The following PMFBP1 variants were observed in gnomAD, a reference collection of about 807,000 sequenced individuals.
The protein encoded by PMFBP1 is polyamine modulated factor 1 binding protein 1, also known as polyamine-modulated factor 1-binding protein 1.
PMFBP1 carries 131 observed loss-of-function variants against 137.8 expected under a neutral mutation model. The observed-to-expected ratio is 0.95, with a 90% CI of 0.82 to 1.10. PMFBP1 has a LOEUF of 1.10. PMFBP1 is among the 50% of genes least tolerant of loss of function. The pLI is 0.00. For missense variants in PMFBP1, 1,199 were observed against 1,175.4 expected (o/e 1.02, Z -0.29); for synonymous variants, 490 against 450.4 (o/e 1.09, Z -1.11).
chr16:72,130,390 C>G (rs1435308134), intron 11 of PMFBP1, 33 bp from the exon 12 acceptor site: 1 of 1,613,794 alleles, frequency 6.2e-7, no homozygotes. Context: ...GGAGGACAGA[C>G]TTCAGTGCCC....
At chr16:72,204,681 C>G in the PMFBP1 span, among the ~76,000 whole-genome samples, 1 of 152,116 alleles carries the variant, frequency 6.6e-6, no homozygotes. Flanking sequence ...TAGCTGTGCT[C>G]CCTGGCTAGT....
At chr16:72,219,831 A>G in the PMFBP1 span, among the ~76,000 whole-genome samples, 1 of 152,238 alleles carries the variant, frequency 6.6e-6, no homozygotes, top group Non-Finnish European at 1.5e-5. Flanking sequence ...GGATAAGTCA[A>G]TATAACACAC....
the PMFBP1 span, among the ~76,000 whole-genome samples, chr16:72,245,529 A>G: frequency 5.3e-5 from 8 of 152,206 alleles, no homozygotes; most frequent in Non-Finnish European, 8.8e-5. Context: ...AAAAGGGTGC[A>G]CTGCCTGAAT....
chr16:72,230,624 T>G, the PMFBP1 span, among the ~76,000 whole-genome samples: 8 of 152,250 alleles, frequency 5.3e-5, no homozygotes, highest in South Asian at 1.7e-3. Flanking sequence ...CATCACCCAT[T>G]TTGTTACCCC....
chr16:72,200,188 A>G, the PMFBP1 span, among the ~76,000 whole-genome samples: 1 of 152,224 alleles, frequency 6.6e-6, no homozygotes, highest in South Asian at 2.1e-4. Flanking sequence ...GGGTGACCTC[A>G]GGTAGAGCCA....
the PMFBP1 span, among the ~76,000 whole-genome samples, chr16:72,227,737 G>C: frequency 1.3e-5 from 2 of 152,076 alleles, no homozygotes; most frequent in African/African-American, 4.8e-5. Context: ...TACAAAACCA[G>C]CTACTAATCC....
chr16:72,132,700 C>G (rs956610780), intron 10 of PMFBP1, 48 bp downstream of exon 10: 4 of 1,612,158 alleles, frequency 2.5e-6, no homozygotes, highest in South Asian at 1.1e-5. Flanking sequence ...TAGGGCTGCT[C>G]TAGCCCCACA....
chr16:72,244,847 G>A, the PMFBP1 span, among the ~76,000 whole-genome samples: 8 of 152,202 alleles, frequency 5.3e-5, no homozygotes, highest in Non-Finnish European at 1.2e-4. Context: ...CAGAAGAATG[G>A]AAGGGGTTAA....
chr16:72,202,921 C>T, the PMFBP1 span, among the ~76,000 whole-genome samples: 1 of 152,190 alleles, frequency 6.6e-6, no homozygotes, highest in Non-Finnish European at 1.5e-5. Flanking sequence ...AAACCAAGAG[C>T]TGGGTGCCGA....
At chr16:72,198,988 T>C in the PMFBP1 span, among the ~76,000 whole-genome samples, 926 of 152,312 alleles carry the variant, frequency 6.1e-3, 7 homozygotes, top group Non-Finnish European at 9.5e-3. Flanking sequence ...TTTAAGTGAT[T>C]TGTCTTATTC....
intron 3 of PMFBP1, chr16:72,164,407 G>C: frequency 7.6e-6 from 10 of 1,310,654 alleles, no homozygotes; most frequent in Non-Finnish European, 1.0e-5. Flanking sequence ...TTTCATGGTT[G>C]ACTTAGAAGT....
At chr16:72,131,119 G>T in intron 10 of PMFBP1, among the ~76,000 whole-genome samples, 1 of 152,170 alleles carries the variant, frequency 6.6e-6, no homozygotes, top group Non-Finnish European at 1.5e-5. Flanking sequence ...GGGTTAGAAC[G>T]CTTGGAGATG....
chr16:72,150,650 T>G lies in PMFBP1; in HGVS notation c.594A>C (p.Gln198His), dbSNP rs1262108333. ...SLSNIELLEC[Q>H]VKMLQGELGG... ...CGAGTTCCCCCTGCAACATCTTCAC[T>G]TGGCATTCTAGTAACTCGATGTTGC... is the stretch of plus-strand genomic sequence containing the variant. Residue 198 changes from glutamine to histidine, a missense_variant, in exon 5 of 21, where the codon CAA (glutamine) becomes CAC (histidine). Physicochemically the swap from Gln to His is conservative, Grantham distance 24 (BLOSUM62 0). Coordinates refer to ENST00000237353, the MANE Select transcript of PMFBP1 (RefSeq NM_031293.3). 6.2e-7 allele frequency: 1 copy of G among 1,613,934 alleles called. No individual in the cohort carries two copies. The highest frequency in any genetic ancestry group is 1.1e-5 in the South Asian group (1 of 91,068).
Position 72,129,179 on chromosome 16 carries a change from T to G in PMFBP1, c.1837A>C (p.Thr613Pro), listed in dbSNP as rs762994859. 1 of 1,614,148 alleles carries G rather than the reference T, an allele frequency of 6.2e-7. No individual in the cohort carries two copies. The change falls in exon 13 of 21, where the codon ACA becomes CCA. Residue 613 changes from threonine (T) to proline (P), a missense_variant. Transcript: ENST00000237353. ...TCCCGTTTGTCCTCCAGAAGCTTTG[T>G]GGCCTCCTGAAGATCTTCTTCTAAC... ...CKLEEDLQEA[T>P]KLLEDKREQL...
chr16:72,187,838 G>A, the PMFBP1 span, among the ~76,000 whole-genome samples: 2 of 152,184 alleles, frequency 1.3e-5, no homozygotes, highest in Non-Finnish European at 2.9e-5. Flanking sequence ...AGTTATATTT[G>A]GGGAGTAGCC....
At chr16:72,153,469 G>A (rs1312232270) in intron 4 of PMFBP1, among the ~76,000 whole-genome samples, 1 of 152,004 alleles carries the variant, frequency 6.6e-6, no homozygotes, top group East Asian at 1.9e-4. Context: ...AAAATGCCAG[G>A]GGAAACCCCA....
intron 9 of PMFBP1, among the ~76,000 whole-genome samples, chr16:72,135,250 C>T (rs1205897811): frequency 1.3e-5 from 2 of 151,962 alleles, no homozygotes; most frequent in Non-Finnish European, 2.9e-5. Flanking sequence ...AATCTTGGCT[C>T]ATTGCAACCT....
the PMFBP1 span, among the ~76,000 whole-genome samples, chr16:72,234,706 C>T: frequency 6.6e-6 from 1 of 152,174 alleles, no homozygotes; most frequent in African/African-American, 2.4e-5. Flanking sequence ...TTTGAACTCA[C>T]TCTCATGACT....
intron 3 of PMFBP1, 78 bp downstream of exon 3, chr16:72,164,686 T>C (rs1014953297): frequency 3.0e-5 from 45 of 1,501,028 alleles, no homozygotes; most frequent in Non-Finnish European, 3.9e-5. Context: ...GTGGAAGAAC[T>C]TTCTATTATT....
Sources: gnomAD v4.1 joint callset for allele counts (sites outside exome capture counted in the v4.1 genomes callset) on GRCh38, gnomAD v4.1.1 for gene constraint, MANE v1.5 for transcripts, NCBI Gene and HGNC (gene_info 2026-07-23, HGNC 2026-07-21) for gene names.